The following IMPDH1 variants were observed in gnomAD, a reference collection of about 807,000 sequenced individuals.
IMPDH1 encodes the protein inosine-5'-monophosphate dehydrogenase 1.
Under a neutral mutation model 73.5 loss-of-function variants are expected in IMPDH1, and 41 were observed. That is an observed-to-expected ratio of 0.56 (90% CI 0.43 to 0.72). IMPDH1 has a LOEUF of 0.72. IMPDH1 is among the 30% of genes least tolerant of loss of function. The pLI, the probability that IMPDH1 is intolerant of heterozygous loss-of-function variation, is 0.00. For synonymous variants in IMPDH1, 318 were observed against 334.3 expected, an observed-to-expected ratio of 0.95 and a Z score of 0.53; for missense variants, 645 against 824.8, an observed-to-expected ratio of 0.78 and a Z score of 2.67.
rs1269633695 is a variant in IMPDH1 at position 128,394,648 on chromosome 7, C to A, written c.1551-49G>T. 3.7e-6 allele frequency: 6 copies of A among 1,606,242 alleles called. No homozygotes were observed. The African/African-American group carries it at 8.0e-5, about 21-fold the overall frequency. The stretch of plus-strand genomic sequence containing the variant: ...GCCCAGCAGCTTGAAGCTCAGAGGA[C>A]CCCACCCCACCTCTTAAGGGCAAAA... On this transcript the variant is annotated intron_variant, in intron 14 of 16. Transcript: ENST00000338791. The surrounding 1 kb of genome is among the most constrained non-coding windows in gnomAD (Gnocchi z 5.5).
At position 128,394,607 on chromosome 7, in the gene IMPDH1, G is replaced by C; in HGVS notation, c.1551-8C>G. 1 of 1,613,184 alleles carries C rather than the reference G, an allele frequency of 6.2e-7. No individual in the cohort carries two copies. Among genetic ancestry groups the C allele is most frequent in the South Asian group, 1.1e-5 (1 of 91,074 alleles). ...TTCACTTTATCCCCCTCGCTGCGTG[G>C]AGGGTGGAAGACTGAGCCCAGCAGC... On this transcript the variant is annotated splice_region_variant and splice_polypyrimidine_tract_variant and intron_variant, in intron 14 of 16. Transcript: ENST00000338791. The surrounding 1 kb of genome is among the most constrained non-coding windows in gnomAD (Gnocchi z 5.5).
At chr7:128,400,731 G>C in intron 7 of IMPDH1, 86 bp downstream of exon 7, 2 of 1,278,230 alleles carry the variant, frequency 1.6e-6, no homozygotes, top group East Asian at 2.3e-5. Context: ...GAGTGTAGCA[G>C]TGCAGGGCTG....
intron 5 of IMPDH1, among the ~76,000 whole-genome samples, chr7:128,403,161 G>A (rs1798454538): frequency 1.3e-5 from 2 of 152,050 alleles, no homozygotes; most frequent in South Asian, 4.2e-4. Context: ...ACCCAGCCCT[G>A]GGCCAGGCCT....
In IMPDH1 at chr7:128,400,174, C is replaced by T. The variant is rs757423102; in HGVS notation, c.795G>A (p.Thr265=). ...GAGCCACCACCAGTTCAATCCTTGG[C>T]GTCATCACCTGTGGGGCCAGGAACA... ...DHTTLLSEVM[T]PRIELVVAPA... The change falls in exon 9 of 17, where the codon ACG becomes ACA. Residue 265 remains threonine (T), a synonymous_variant. Transcript: ENST00000338791. The T allele has an allele frequency of 8.1e-6, 13 of 1,614,070 alleles. No homozygotes were observed. The highest frequency in any genetic ancestry group is 1.6e-4 in the Middle Eastern group (1 of 6,062).
chr7:128,409,518 C>T, intron 1 of IMPDH1, 34 bp from the exon 2 acceptor site: 2 of 1,612,052 alleles, frequency 1.2e-6, no homozygotes, highest in Non-Finnish European at 8.5e-7. Flanking sequence ...ACGACCTGTT[C>T]CCTCTCCTCC....
chr7:128,402,796 G>T (rs13311017), intron 5 of IMPDH1, among the ~76,000 whole-genome samples: 152,330 of 152,330 alleles, frequency 1, 76,165 homozygotes, highest in Non-Finnish European at 1. Flanking sequence ...CTACCCATCT[G>T]GGCTTCTCTG....
In IMPDH1 at chr7:128,395,185, C is replaced by T. The variant is rs756300430; in HGVS notation, c.1351G>A (p.Gly451Ser). The part of the protein sequence containing the change: ...RFGVPIIADG[G>S]IQTVGHVVKA... ...ACCACGTGTCCCACGGTCTGGATGC[C>T]GCCATCGGCTATGATGGGCACACCA... Residue 451 changes from glycine to serine, a missense_variant, in exon 13 of 17, where the codon GGC (glycine) becomes AGC (serine). This residue lies in a region of IMPDH1 where 459 missense variants were observed against 638.2 expected (regional missense o/e 0.72). Transcript: ENST00000338791. 5.6e-6 allele frequency: 9 copies of T among 1,613,880 alleles called. No individual in the cohort carries two copies. Among genetic ancestry groups the T allele is most frequent in the South Asian group, 3.3e-5 (3 of 91,088 alleles).
In IMPDH1 at chr7:128,396,334, A is replaced by G. The variant is rs1218934858; in HGVS notation, c.1261+266T>C. 6.6e-6 allele frequency among the ~76,000 whole-genome samples: 1 copy of G among 152,194 alleles called. No homozygotes were observed. Among genetic ancestry groups the G allele is most frequent in the Non-Finnish European group, 1.5e-5 (1 of 68,026 alleles). On this transcript the variant is annotated intron_variant, in intron 12 of 16. Coordinates refer to ENST00000338791, the MANE Select transcript of IMPDH1 (RefSeq NM_000883.4). The surrounding 1 kb of genome is among the most constrained non-coding windows in gnomAD (Gnocchi z 4.0). ...AAACCCTGAGGTTCCAACAAGCCCC[A>G]TGGACAGTCACACCAGCCCCAGGCC...
In IMPDH1 at chr7:128,392,725, C is replaced by A; in HGVS notation, c.*282G>T. Reference sequence around the variant, plus strand: ...GTGGGGGCCAGGCTGGAGCAGGCTGCAGCAAGAAAGACCTGAGGCAGGCGC... The same window carrying A: ...GTGGGGGCCAGGCTGGAGCAGGCTGAAGCAAGAAAGACCTGAGGCAGGCGC... On this transcript the variant is annotated 3_prime_UTR_variant, in exon 17 of 17. Transcript: ENST00000338791. The A allele has an allele frequency of 2.1e-6, 1 of 469,504 alleles. No homozygotes were observed. Among genetic ancestry groups the A allele is most frequent in the South Asian group, 2.5e-5 (1 of 40,404 alleles). 29.1% of individuals were successfully genotyped at this position (469,504 alleles called of 1,614,324 possible).
At chr7:128,403,640 G>A in intron 5 of IMPDH1, 66 bp downstream of exon 5, 5 of 1,419,918 alleles carry the variant, frequency 3.5e-6, no homozygotes, top group South Asian at 1.1e-5. Context: ...CTGCCCCTGA[G>A]CAAGAAGTCA....
rs1406345097 is a variant in IMPDH1, at chr7:128,404,094, C to CTT, written c.354-341_354-340insAA. On this transcript the variant is annotated intron_variant, in intron 4 of 16. Transcript: ENST00000338791. ...CCACACACAGCAGACACAGTGCCTG[C>CTT]CTTTGAAAACTTCTCAATCTTGATG... Among the ~76,000 whole-genome samples, 6 of 152,334 alleles carry CTT rather than the reference C, an allele frequency of 3.9e-5. No individual in the cohort carries two copies. In the East Asian group the frequency reaches 1.2e-3, roughly 29 times the overall value.
At chr7:128,395,393 C>CTGGA in intron 12 of IMPDH1, 119 bp from the exon 13 acceptor site, 1 of 1,223,594 alleles carries the variant, frequency 8.2e-7, no homozygotes, top group South Asian at 1.3e-5. Flanking sequence ...AGGGACAGGG[C>CTGGA]TGGATGGTGT....
rs141568988 is a variant in IMPDH1 at position 128,395,176 on chromosome 7, T to C, written c.1360A>G (p.Thr454Ala). Residue 454 changes from threonine (T) to alanine (A), a missense_variant, in exon 13 of 17, where the codon ACC (threonine) becomes GCC (alanine). Transcript: ENST00000338791. Reference sequence around the variant, plus strand: ...AGGGCCTTGACCACGTGTCCCACGGTCTGGATGCCGCCATCGGCTATGATG... The same window carrying C: ...AGGGCCTTGACCACGTGTCCCACGGCCTGGATGCCGCCATCGGCTATGATG... ...VPIIADGGIQ[T>A]VGHVVKALAL... The C allele has an allele frequency of 2.8e-4, 450 of 1,613,900 alleles. No individual in the cohort carries two copies. Among genetic ancestry groups the C allele is most frequent in the Non-Finnish European group, 3.7e-4 (441 of 1,180,052 alleles).
Position 128,397,029 on chromosome 7 carries a change from G to A in IMPDH1, c.1075-7C>T, listed in dbSNP as rs1164774622. ...AATTCCCTTGGGACGAGTCCTGTGA[G>A]AAAGGACGGAAGAGCTTGGGCTTAG... is the stretch of plus-strand genomic sequence containing the variant. On this transcript the variant is annotated splice_region_variant and splice_polypyrimidine_tract_variant and intron_variant, in intron 10 of 16. Transcript: ENST00000338791. 1 of 1,606,996 alleles carries A rather than the reference G, an allele frequency of 6.2e-7. No individual in the cohort carries two copies. The highest frequency in any genetic ancestry group is 8.5e-7 in the Non-Finnish European group (1 of 1,173,574).
chr7:128,404,757 CA>C (rs1017690395), intron 4 of IMPDH1, among the ~76,000 whole-genome samples: 1 of 151,888 alleles, frequency 6.6e-6, no homozygotes, highest in Non-Finnish European at 1.5e-5. Context: ...CAAAGACCAC[CA>C]AAAAAACAAA....
chr7:128,403,614 T>G, intron 5 of IMPDH1, 92 bp downstream of exon 5: 1 of 1,044,030 alleles, frequency 9.6e-7, no homozygotes, highest in Non-Finnish European at 1.5e-6. Flanking sequence ...GAAAAGTCTC[T>G]CCATCTCTCC....
Position 128,398,328 on chromosome 7 carries a change from A to C in IMPDH1, c.1074+86T>G, listed in dbSNP as rs906714838. 2 of 1,071,532 alleles carry C rather than the reference A, an allele frequency of 1.9e-6. No homozygotes were observed. The highest frequency in any genetic ancestry group is 3.1e-5 in the African/African-American group (2 of 64,462). The allele number at this position is 1,071,532 out of a possible 1,614,324, so 66.4% of individuals were successfully genotyped here. A position where few individuals can be genotyped will look rare whatever the true frequency, so the allele number is the denominator to read the frequency against. On this transcript the variant is annotated intron_variant, in intron 10 of 16. Coordinates refer to ENST00000338791, the MANE Select transcript of IMPDH1 (RefSeq NM_000883.4). This position sits in a 1 kb window ranked among gnomAD's most constrained non-coding sequence, Gnocchi z 4.3. The stretch of plus-strand genomic sequence containing the variant: ...AGTAGCAAGGGAGGGGCACAGGCTT[A>C]ATCAGAGGTGAACCTGGGTCCTCAT...
chr7:128,399,992 C>T, intron 9 of IMPDH1, 103 bp downstream of exon 9: 2 of 921,678 alleles, frequency 2.2e-6, no homozygotes, highest in East Asian at 2.4e-5. Context: ...TTCCCCAGGG[C>T]TCAGTCTGGT....
intron 5 of IMPDH1, among the ~76,000 whole-genome samples, chr7:128,403,494 G>A (rs555874175): frequency 6.6e-6 from 1 of 150,922 alleles, no homozygotes; most frequent in East Asian, 1.9e-4. Flanking sequence ...GGAGGTGGAG[G>A]CTGCAGTGAG....
Sources: gnomAD v4.1 joint callset for allele counts (sites outside exome capture counted in the v4.1 genomes callset) on GRCh38, gnomAD v4.1.1 for gene constraint, gnomAD v4.1.1 regional missense constraint, Gnocchi (gnomAD v3.1) non-coding constraint, MANE v1.5 for transcripts, NCBI Gene and HGNC (gene_info 2026-07-23, HGNC 2026-07-21) for gene names.